ITGB3BP: variants seen among roughly 807,000 people sequenced by gnomAD.
ITGB3BP encodes integrin subunit beta 3 binding protein.
Under a neutral mutation model 29.1 loss-of-function variants are expected in ITGB3BP, and 27 were observed. The observed-to-expected ratio is 0.93, with a 90% CI of 0.68 to 1.28. The LOEUF (loss-of-function observed/expected upper bound fraction) is 1.28. Ranked by LOEUF, ITGB3BP falls within the 50% of genes most tolerant of loss-of-function variation. The probability of loss-of-function intolerance (pLI) is 0.00; values close to 1 mark genes in which losing one functional copy is unlikely to be tolerated. For synonymous variants in ITGB3BP, 61 were observed against 61.4 expected (o/e 0.99, Z 0.03); for missense variants, 192 against 200.2 (o/e 0.96, Z 0.25).
intron 2 of ITGB3BP, among the ~76,000 whole-genome samples, chr1:63,503,817 G>A (rs1238055187): frequency 2.0e-5 from 3 of 152,120 alleles, no homozygotes; most frequent in Non-Finnish European, 4.4e-5. Flanking sequence ...AAGATCAGAT[G>A]GTTGTAGATA....
chr1:63,486,060 G>T (rs1178794082), intron 3 of ITGB3BP, among the ~76,000 whole-genome samples: 1 of 152,026 alleles, frequency 6.6e-6, no homozygotes, highest in Non-Finnish European at 1.5e-5. Context: ...CAATTTGGCA[G>T]ATGTTGGAGA....
intron 3 of ITGB3BP, among the ~76,000 whole-genome samples, chr1:63,483,161 T>G (rs1482236695): frequency 6.6e-6 from 1 of 152,194 alleles, no homozygotes; most frequent in South Asian, 2.1e-4. Flanking sequence ...CAGATTACTT[T>G]GTGTTGACTG....
At chr1:63,524,008 TTA>T (rs1646530756), upstream of ITGB3BP, among the ~76,000 whole-genome samples, 2 of 152,266 alleles carry the variant, frequency 1.3e-5, no homozygotes, top group South Asian at 4.2e-4. Flanking sequence ...GGCCGGAGTT[TTA>T]AGTAAGGGAG....
In ITGB3BP at chr1:63,508,754, G is replaced by T. The variant is rs149863219; in HGVS notation, c.6-184C>A. Among the ~76,000 whole-genome samples the T allele has an allele frequency of 5.7e-3, 869 of 152,068 alleles. 4 individuals are homozygous for T. Among genetic ancestry groups the T allele is most frequent in the Non-Finnish European group, 9.5e-3 (645 of 67,948 alleles). The stretch of plus-strand genomic sequence containing the variant: ...TATGATGACAGGTTTGATTCTAATT[G>T]CATATCTCTAAATGGGATCATAATT... On this transcript the variant is annotated intron_variant, in intron 1 of 8. Coordinates refer to ENST00000271002, the MANE Select transcript of ITGB3BP (RefSeq NM_014288.5).
chr1:63,518,202 G>T (rs1646376875), intron 1 of ITGB3BP, among the ~76,000 whole-genome samples: 1 of 152,134 alleles, frequency 6.6e-6, no homozygotes, highest in African/African-American at 2.4e-5. Flanking sequence ...TTTGCTGAGG[G>T]TTTTATTTTC....
chr1:63,483,972 C>A (rs1200034422), intron 3 of ITGB3BP, among the ~76,000 whole-genome samples: 1 of 152,126 alleles, frequency 6.6e-6, no homozygotes, highest in African/African-American at 2.4e-5. Flanking sequence ...AATCACCAAA[C>A]AATGCTTTCC....
chr1:63,476,162 T>G (rs976138207), intron 4 of ITGB3BP, among the ~76,000 whole-genome samples: 1 of 151,472 alleles, frequency 6.6e-6, no homozygotes, highest in African/African-American at 2.4e-5. Context: ...AGTCTCCTGA[T>G]AGAAATACTT....
intron 2 of ITGB3BP, among the ~76,000 whole-genome samples, chr1:63,497,031 A>ATGTG (rs34974358): frequency 7.9e-5 from 12 of 151,750 alleles, no homozygotes; most frequent in African/African-American, 2.4e-4. Flanking sequence ...GCACATTAAG[A>ATGTG]TGTGTGTGTG....
intron 2 of ITGB3BP, among the ~76,000 whole-genome samples, chr1:63,500,696 T>C (rs923512146): frequency 2.0e-5 from 3 of 152,194 alleles, no homozygotes; most frequent in Non-Finnish European, 2.9e-5. Flanking sequence ...ATTGTTAAGA[T>C]TGCAAATTTC....
rs578136313 is a variant in ITGB3BP at position 63,455,736 on chromosome 1, T to C, written c.255-768A>G. On this transcript the variant is annotated intron_variant, in intron 4 of 8. Coordinates refer to ENST00000271002, the MANE Select transcript of ITGB3BP (RefSeq NM_014288.5). ...CATTCCCTTATTGTTAAAATTTTAGTTGCTTTTCCAATTTTAAGACCCCAC... is the reference window on the plus strand; with the variant it reads ...CATTCCCTTATTGTTAAAATTTTAGCTGCTTTTCCAATTTTAAGACCCCAC... Among the ~76,000 whole-genome samples the C allele has an allele frequency of 2.0e-5, 3 of 152,306 alleles. No individual in the cohort carries two copies. The South Asian group carries it at 6.2e-4, about 32-fold the overall frequency.
intron 1 of ITGB3BP, among the ~76,000 whole-genome samples, chr1:63,520,730 A>G (rs1440813181): frequency 6.6e-6 from 1 of 152,194 alleles, no homozygotes; most frequent in Non-Finnish European, 1.5e-5. Context: ...GAACTAGATC[A>G]TTACCAATAT....
At chr1:63,456,331 TG>T (rs1318437794) in intron 4 of ITGB3BP, among the ~76,000 whole-genome samples, 1 of 151,532 alleles carries the variant, frequency 6.6e-6, no homozygotes, top group Non-Finnish European at 1.5e-5. Context: ...GAATTTTGGG[TG>T]TTTTTTTTCT....
chr1:63,462,962 A>G (rs1332363530), intron 4 of ITGB3BP, among the ~76,000 whole-genome samples: 1 of 152,306 alleles, frequency 6.6e-6, no homozygotes, highest in East Asian at 1.9e-4. Flanking sequence ...GTGACTAAAA[A>G]TAAGTCCTAG....
chr1:63,464,292 C>G (rs1426402389), intron 4 of ITGB3BP, among the ~76,000 whole-genome samples: 1 of 152,140 alleles, frequency 6.6e-6, no homozygotes, highest in Non-Finnish European at 1.5e-5. Context: ...AGACAAAAAA[C>G]TGCAAACAAA....
chr1:63,453,025 A>G (rs544943523), intron 7 of ITGB3BP, among the ~76,000 whole-genome samples: 1 of 152,318 alleles, frequency 6.6e-6, no homozygotes, highest in Non-Finnish European at 1.5e-5. Flanking sequence ...AAAAGACCAG[A>G]GTTTTTGAGG....
chr1:63,499,703 A>G (rs1645878172), intron 2 of ITGB3BP, among the ~76,000 whole-genome samples: 1 of 152,212 alleles, frequency 6.6e-6, no homozygotes, highest in Non-Finnish European at 1.5e-5. Flanking sequence ...CAATCAATGT[A>G]ATACACTATA....
intron 8 of ITGB3BP, among the ~76,000 whole-genome samples, chr1:63,445,710 T>C (rs1324865638): frequency 6.6e-6 from 1 of 151,328 alleles, no homozygotes; most frequent in East Asian, 1.9e-4. Flanking sequence ...TCCTCCCAAC[T>C]CAGCCTCCTA....
chr1:63,468,192 T>C (rs1165197206), intron 4 of ITGB3BP, among the ~76,000 whole-genome samples: 1 of 152,206 alleles, frequency 6.6e-6, no homozygotes, highest in Non-Finnish European at 1.5e-5. Flanking sequence ...TTTTCCTACT[T>C]CCAATTTTAT....
At chr1:63,446,406 A>G (rs772762553) in intron 8 of ITGB3BP, among the ~76,000 whole-genome samples, 1 of 152,232 alleles carries the variant, frequency 6.6e-6, no homozygotes, top group East Asian at 1.9e-4. Flanking sequence ...ACATTTCCAA[A>G]TTTAACAGAC....
Sources: allele counts gnomAD v4.1 joint callset (sites outside exome capture counted in the v4.1 genomes callset), GRCh38; gene constraint gnomAD v4.1.1; transcripts MANE v1.5; gene names NCBI Gene and HGNC (gene_info 2026-07-23, HGNC 2026-07-21).